Variants in UBOX5 observed in about 807,000 individuals in gnomAD.
The protein encoded by UBOX5 is U-box domain containing 5.
A neutral mutation model predicts 39.0 loss-of-function variants in UBOX5; 28 were observed. That is an observed-to-expected ratio of 0.72 (90% CI 0.53 to 0.98). UBOX5 has a LOEUF of 0.98. Among genes scored for constraint, UBOX5 ranks in the 50% least tolerant of loss-of-function variants. UBOX5 has a pLI of 0.00. For missense variants in UBOX5, 585 were observed against 674.4 expected (o/e 0.87, Z 1.47); for synonymous variants, 283 against 275.5 (o/e 1.03, Z -0.27).
At position 3,121,491 on chromosome 20, in the gene UBOX5, C is replaced by G. The variant is rs200708196; in HGVS notation, c.1148G>C (p.Cys383Ser). 8.7e-4 allele frequency: 1,404 copies of G among 1,614,100 alleles called. 25 individuals are homozygous for G. In the South Asian group the frequency reaches 0.014, roughly 16 times the overall value. ...GACCAAAGGGCTTGTGGCAGAAAAA[C>G]AGGAAGCATTTACACCAAAGTTACT... ...PDSNFGVNAS[C>S]FSATSPLVLP... Residue 383 changes from cysteine (C) to serine (S), a missense_variant, in exon 3 of 5, where the codon TGT (cysteine) becomes TCT (serine). Physicochemically the swap from Cys to Ser is moderately radical, Grantham distance 112. Transcript: ENST00000217173.
At chr20:3,146,211 C>T (rs370093792) in intron 1 of UBOX5, among the ~76,000 whole-genome samples, 8 of 151,978 alleles carry the variant, frequency 5.3e-5, no homozygotes, top group South Asian at 4.2e-4. Context: ...TGTAGTGATA[C>T]GCGCCTGTAG....
intron 4 of UBOX5, among the ~76,000 whole-genome samples, chr20:3,112,751 G>A (rs1448216095): frequency 1.3e-5 from 2 of 152,156 alleles, no homozygotes; most frequent in East Asian, 1.9e-4. Context: ...GATCACCTGA[G>A]GTCAGGAGTT....
At chr20:3,156,151 CTCAG>C (rs796093399) in intron 1 of UBOX5, among the ~76,000 whole-genome samples, 3 of 151,350 alleles carry the variant, frequency 2.0e-5, no homozygotes, top group African/African-American at 7.3e-5. Flanking sequence ...CTATGAGATG[CTCAG>C]TCAATTAACT....
intron 1 of UBOX5, among the ~76,000 whole-genome samples, chr20:3,146,332 C>T (rs1422686181): frequency 1.7e-5 from 2 of 120,476 alleles, no homozygotes; most frequent in Non-Finnish European, 3.2e-5. Flanking sequence ...CAGAGCGAGA[C>T]TCCATCTCAA....
chr20:3,143,933 G>A (rs1231344254), intron 1 of UBOX5, among the ~76,000 whole-genome samples: 3 of 152,170 alleles, frequency 2.0e-5, no homozygotes, highest in Non-Finnish European at 4.4e-5. Flanking sequence ...ACTCCAGCCT[G>A]GGTGACAGAG....
At chr20:3,143,561 C>T (rs545034313) in intron 1 of UBOX5, among the ~76,000 whole-genome samples, 9 of 152,070 alleles carry the variant, frequency 5.9e-5, no homozygotes, top group South Asian at 4.2e-4. Flanking sequence ...TTTGGGAGGC[C>T]GAGGTGGGTG....
chr20:3,116,337 G>C (rs140946744), intron 3 of UBOX5, among the ~76,000 whole-genome samples: 1,596 of 152,266 alleles, frequency 0.01, 30 homozygotes, highest in African/African-American at 0.036. Flanking sequence ...CTTTAGTGTA[G>C]GATCAACAGA....
intron 2 of UBOX5, 149 bp downstream of exon 2, chr20:3,123,163 T>C: frequency 2.6e-6 from 2 of 778,648 alleles, no homozygotes; most frequent in Non-Finnish European, 4.1e-6. Flanking sequence ...GCCTGCCCCA[T>C]GCTTACCTAA....
chr20:3,121,346 T>TG (rs753882352), intron 3 of UBOX5, 38 bp downstream of exon 3: 1 of 1,571,320 alleles, frequency 6.4e-7, no homozygotes, highest in Admixed American at 1.8e-5. Flanking sequence ...GGGAAGGAGA[T>TG]GGATGAGCCT....
chr20:3,109,616 G>A lies in UBOX5; in HGVS notation c.*490C>T, dbSNP rs1244335634. On this transcript the variant is annotated 3_prime_UTR_variant, in exon 5 of 5. Coordinates refer to ENST00000217173, the MANE Select transcript of UBOX5 (RefSeq NM_014948.4). ...CACCAGGAGGAAACCCACAGCAGAC[G>A]TCAACCATCGCTTTATTAAGGCTGC... 1.7e-5 allele frequency: 3 copies of A among 179,930 alleles called. No individual in the cohort carries two copies. The highest frequency in any genetic ancestry group is 1.2e-4 in the South Asian group (1 of 8,098). The allele number at this position is 179,930 out of a possible 1,614,324, so 11.1% of individuals were successfully genotyped here.
rs79549903 is a variant in UBOX5 at position 3,157,066 on chromosome 20, G to C, written c.-42+2700C>G. Among the ~76,000 whole-genome samples the C allele has an allele frequency of 5.1e-3, 782 of 151,922 alleles. 7 individuals carry two copies. Among genetic ancestry groups the C allele is most frequent in the African/African-American group, 0.018 (741 of 41,276 alleles). ...ACGTGAGGCCAGGAGTTCAAGACCA[G>C]TCTGGGCTACATGGCGAGACCCTGT... On this transcript the variant is annotated intron_variant, in intron 1 of 4. Coordinates refer to ENST00000217173, the MANE Select transcript of UBOX5 (RefSeq NM_014948.4).
chr20:3,140,412 G>T (rs1321031801), intron 1 of UBOX5, among the ~76,000 whole-genome samples: 1 of 152,130 alleles, frequency 6.6e-6, no homozygotes, highest in Non-Finnish European at 1.5e-5. Flanking sequence ...CTCAAAACAA[G>T]ATCTACAAAG....
rs1481619853 is a variant in UBOX5 at position 3,148,163 on chromosome 20, T to A, written c.-42+11603A>T. On this transcript the variant is annotated intron_variant, in intron 1 of 4. Transcript: ENST00000217173. ...ATCTATATATTTAAGGATCAATGAT[T>A]CCAATTTTTGCATTAGGTCCTGGGA... 1.2e-6 allele frequency: 2 copies of A among 1,613,808 alleles called. No individual in the cohort carries two copies. Among genetic ancestry groups the A allele is most frequent in the East Asian group, 4.5e-5 (2 of 44,884 alleles).
intron 3 of UBOX5, among the ~76,000 whole-genome samples, chr20:3,116,992 A>G (rs916192410): frequency 6.6e-5 from 10 of 152,060 alleles, no homozygotes; most frequent in African/African-American, 2.4e-4. Flanking sequence ...GCTACTCGGG[A>G]AGCTGAGGCA....
Position 3,109,177 on chromosome 20 carries a change from A to C in UBOX5, c.*929T>G, listed in dbSNP as rs1192784011. On this transcript the variant is annotated 3_prime_UTR_variant, in exon 5 of 5. Coordinates refer to ENST00000217173, the MANE Select transcript of UBOX5 (RefSeq NM_014948.4). ...CACTGAGGTTCTTCTAGTGGCTGGA[A>C]TCTGATAGAGTACCAAGTTGTAGGG... is the stretch of plus-strand genomic sequence containing the variant. The C allele has an allele frequency of 6.6e-6, 1 of 152,190 alleles. No individual in the cohort carries two copies. The allele number at this position is 152,190 out of a possible 1,614,324, so 9.4% of individuals were successfully genotyped here. A position where few individuals can be genotyped will look rare whatever the true frequency, so the allele number is the denominator to read the frequency against.
intron 1 of UBOX5, chr20:3,147,262 A>G (rs2066574559): frequency 6.2e-7 from 1 of 1,614,198 alleles, no homozygotes; most frequent in Non-Finnish European, 8.5e-7. Context: ...CTTCTCTATT[A>G]AATGGTAATG....
Position 3,122,422 on chromosome 20 carries a change from C to A in UBOX5, c.217G>T (p.Gly73Trp). 1 of 1,614,202 alleles carries A rather than the reference C, an allele frequency of 6.2e-7. No individual in the cohort carries two copies. The highest frequency in any genetic ancestry group is 8.5e-7 in the Non-Finnish European group (1 of 1,180,022). Reference protein sequence around the residue: ...ICRINIDLTAGGGQNVTGLEM... With the variant: ...ICRINIDLTAWGGQNVTGLEM... ...AGGCCAGTGACGTTCTGACCTCCCC[C>A]AGCTGTGAGGTCTATGTTGATCCTA... The change falls in exon 3 of 5, where the codon GGG becomes TGG. Residue 73 changes from glycine to tryptophan, a missense_variant. Coordinates refer to ENST00000217173, the MANE Select transcript of UBOX5 (RefSeq NM_014948.4).
At chr20:3,142,025 TTC>T (rs903832791) in intron 1 of UBOX5, among the ~76,000 whole-genome samples, 3 of 141,790 alleles carry the variant, frequency 2.1e-5, no homozygotes, top group Non-Finnish European at 4.4e-5. Flanking sequence ...TTCTTTTCTT[TTC>T]TTTTTTTTTT....
chr20:3,128,686 ACCCCGTCT>A (rs1462748318), intron 1 of UBOX5, among the ~76,000 whole-genome samples: 1 of 151,984 alleles, frequency 6.6e-6, no homozygotes, highest in East Asian at 1.9e-4. Flanking sequence ...ACACAGCAAG[ACCCCGTCT>A]CTACAAAAAA....
Sources: allele counts gnomAD v4.1 joint callset (sites outside exome capture counted in the v4.1 genomes callset), GRCh38; gene constraint gnomAD v4.1.1; transcripts MANE v1.5; gene names NCBI Gene and HGNC (gene_info 2026-07-23, HGNC 2026-07-21).